SHOC1: variants seen among roughly 807,000 people sequenced by gnomAD.
The protein encoded by SHOC1 is shortage in chiasmata 1, also known as protein shortage in chiasmata 1 ortholog.
A neutral mutation model predicts 179.2 loss-of-function variants in SHOC1; 136 were observed. That is an observed-to-expected ratio of 0.76 (90% CI 0.66 to 0.87). The LOEUF (loss-of-function observed/expected upper bound fraction) is 0.87. Among genes scored for constraint, SHOC1 ranks in the 40% least tolerant of loss-of-function variants. SHOC1 has a pLI of 0.00. For missense variants in SHOC1, 1,538 were observed against 1,700.8 expected (o/e 0.90, Z 1.68); for synonymous variants, 489 against 586.6 (o/e 0.83, Z 2.41).
chr9:111,705,162 A>AAT (rs72047905), intron 21 of SHOC1, 85 bp downstream of exon 21: 10 of 277,248 alleles, frequency 3.6e-5, no homozygotes, highest in African/African-American at 2.0e-4. Context: ...AGCCTATCAG[A>AAT]ATATATATAC....
At chr9:111,749,994 T>C (rs769403263) in intron 8 of SHOC1, among the ~76,000 whole-genome samples, 15 of 152,196 alleles carry the variant, frequency 9.9e-5, no homozygotes, top group Non-Finnish European at 1.5e-4. Flanking sequence ...TACACATGCA[T>C]CTATCTTTAT....
At chr9:111,706,768 G>C in intron 19 of SHOC1, 22 bp from the exon 20 acceptor site, 1 of 1,519,278 alleles carries the variant, frequency 6.6e-7, no homozygotes, top group Non-Finnish European at 8.9e-7. Context: ...AGAGAGCCAA[G>C]AAAATGGCAT....
At chr9:111,695,656 A>G (rs1361652545) in intron 24 of SHOC1, among the ~76,000 whole-genome samples, 1 of 152,190 alleles carries the variant, frequency 6.6e-6, no homozygotes, top group African/African-American at 2.4e-5. Context: ...GAATCATCTG[A>G]ATCATCAGAA....
chr9:111,711,398 T>G (rs552978051), intron 18 of SHOC1, among the ~76,000 whole-genome samples: 1 of 152,260 alleles, frequency 6.6e-6, no homozygotes, highest in Non-Finnish European at 1.5e-5. Flanking sequence ...TTCCTGCCAC[T>G]TGCAGGAGGG....
intron 5 of SHOC1, chr9:111,759,412 A>G (rs1835035992): frequency 7.0e-7 from 1 of 1,434,420 alleles, no homozygotes; most frequent in South Asian, 1.7e-5. Context: ...CTACTTGAGG[A>G]GTATGATATA....
Position 111,713,184 on chromosome 9 carries a change from TA to T in SHOC1, c.2416-13del. 1 of 1,419,210 alleles carries T rather than the reference TA, an allele frequency of 7.0e-7. No individual in the cohort carries two copies. 87.9% of individuals were successfully genotyped at this position (1,419,210 alleles called of 1,614,324 possible). ...ATTATAATCAGTACCTAGTCAAAAA[TA>T]AAAATTTCATATATATGTGGATGAT... On this transcript the variant is annotated splice_polypyrimidine_tract_variant and intron_variant, in intron 17 of 27. Coordinates refer to ENST00000682961, the MANE Select transcript of SHOC1 (RefSeq NM_001378211.1).
chr9:111,745,709 A>G (rs753780891), intron 10 of SHOC1, among the ~76,000 whole-genome samples: 4 of 152,082 alleles, frequency 2.6e-5, no homozygotes, highest in Non-Finnish European at 4.4e-5. Flanking sequence ...TGAAGGAATA[A>G]ATTTCTATTG....
intron 15 of SHOC1, among the ~76,000 whole-genome samples, chr9:111,722,200 C>T (rs959951838): frequency 2.6e-5 from 4 of 152,146 alleles, no homozygotes; most frequent in Non-Finnish European, 4.4e-5. Context: ...AGGAGCTTCA[C>T]TGAGAAGTAA....
In SHOC1 at chr9:111,692,223, T is replaced by C. The variant is rs1327188000; in HGVS notation, c.3754A>G (p.Thr1252Ala). Residue 1252 changes from threonine (T) to alanine (A), a missense_variant, in exon 27 of 28, where the codon ACC becomes GCC. Transcript: ENST00000682961. ...FLPPVTSYNQ[T>A]SYWKDSSCKS... Reference sequence around the variant, plus strand: ...CAGCTGGAGTCTTTCCAGTAGCTGGTCTGATTGTATGAAGTCACAGGTGGT... The same window carrying C: ...CAGCTGGAGTCTTTCCAGTAGCTGGCCTGATTGTATGAAGTCACAGGTGGT... The C allele has an allele frequency of 6.2e-7, 1 of 1,613,488 alleles. No individual in the cohort carries two copies. Among genetic ancestry groups the C allele is most frequent in the African/African-American group, 1.3e-5 (1 of 74,936 alleles).
intron 8 of SHOC1, among the ~76,000 whole-genome samples, chr9:111,750,977 G>A (rs1023015651): frequency 6.6e-6 from 1 of 152,058 alleles, no homozygotes; most frequent in Non-Finnish European, 1.5e-5. Flanking sequence ...ATAGTTTTGG[G>A]TTTTACATTT....
chr9:111,716,369 T>C (rs1257336331), intron 16 of SHOC1, among the ~76,000 whole-genome samples: 1 of 149,920 alleles, frequency 6.7e-6, no homozygotes, highest in Non-Finnish European at 1.5e-5. Flanking sequence ...ATATTATTTC[T>C]TTCTTTTCTC....
intron 20 of SHOC1, 65 bp downstream of exon 20, chr9:111,706,503 T>C (rs1589386583): frequency 8.0e-7 from 1 of 1,242,520 alleles, no homozygotes; most frequent in East Asian, 2.6e-5. Context: ...CTATAAATCA[T>C]AAACAAAAAA....
chr9:111,762,424 A>T (rs766538407), intron 5 of SHOC1, among the ~76,000 whole-genome samples: 7 of 151,238 alleles, frequency 4.6e-5, no homozygotes, highest in African/African-American at 9.7e-5. Flanking sequence ...GTCTCAATTT[A>T]AAAAAAAAGA....
At chr9:111,754,704 T>C (rs1834775525) in intron 8 of SHOC1, among the ~76,000 whole-genome samples, 1 of 151,844 alleles carries the variant, frequency 6.6e-6, no homozygotes, top group Non-Finnish European at 1.5e-5. Context: ...ACAGCCCAAA[T>C]ATCTATCAAC....
chr9:111,693,326 T>C (rs1158631171), intron 26 of SHOC1, among the ~76,000 whole-genome samples: 1 of 147,068 alleles, frequency 6.8e-6, no homozygotes, highest in Non-Finnish European at 1.5e-5. Flanking sequence ...AAAAAAATAC[T>C]GTAATCCCAG....
intron 15 of SHOC1, among the ~76,000 whole-genome samples, chr9:111,720,233 T>C (rs2131404917): frequency 6.6e-6 from 1 of 152,352 alleles, no homozygotes; most frequent in East Asian, 1.9e-4. Context: ...TTTTGTCTAA[T>C]ATAGAAAACT....
chr9:111,757,874 A>AT (rs887855394), intron 7 of SHOC1, among the ~76,000 whole-genome samples: 15 of 151,464 alleles, frequency 9.9e-5, no homozygotes, highest in African/African-American at 2.7e-4. Context: ...AGGCTTCAAC[A>AT]TTTTTTTTTA....
intron 27 of SHOC1, among the ~76,000 whole-genome samples, chr9:111,689,913 G>T (rs1324405639): frequency 6.6e-6 from 1 of 152,052 alleles, no homozygotes; most frequent in Non-Finnish European, 1.5e-5. Context: ...AAAATGGGAG[G>T]TTATATATTG....
chr9:111,732,494 T>TA (rs1386217482), intron 12 of SHOC1, among the ~76,000 whole-genome samples: 1 of 152,052 alleles, frequency 6.6e-6, no homozygotes, highest in African/African-American at 2.4e-5. Context: ...TTCACAATAA[T>TA]AAAAAACTGG....
Sources: gnomAD v4.1 joint callset for allele counts (sites outside exome capture counted in the v4.1 genomes callset) on GRCh38, gnomAD v4.1.1 for gene constraint, MANE v1.5 for transcripts, NCBI Gene and HGNC (gene_info 2026-07-23, HGNC 2026-07-21) for gene names.